The following NUMA1 variants were observed in gnomAD, a reference collection of about 807,000 sequenced individuals.
The protein encoded by NUMA1 is nuclear mitotic apparatus protein 1.
In NUMA1, 62 loss-of-function variants were observed where a neutral mutation model predicts 237.1. The ratio of observed to expected loss-of-function variants is 0.26; its 90% confidence interval spans 0.21 to 0.32. The LOEUF (loss-of-function observed/expected upper bound fraction) is 0.32. NUMA1 is among the 10% of genes least tolerant of loss of function. The pLI, the probability that NUMA1 is intolerant of heterozygous loss-of-function variation, is 1.00. For missense variants in NUMA1, 2,533 were observed against 2,666.5 expected (o/e 0.95, Z 1.10); for synonymous variants, 1,028 against 1,066.1 (o/e 0.96, Z 0.70).
intron 23 of NUMA1, 111 bp downstream of exon 23, chr11:72,005,122 C>G (rs1955599304): frequency 2.4e-6 from 3 of 1,257,026 alleles, no homozygotes; most frequent in East Asian, 2.6e-5. Flanking sequence ...TCACCCTCCC[C>G]CTCCTCGGCC....
rs900757900 is a variant in NUMA1 at position 72,075,732 on chromosome 11, T to G, written c.-103+4726A>C. ...TTTAAATCAATCTCCTTTATGGAGTTCACTCTATTGTGTGGTTTCTGTTTT... is the reference window on the plus strand; with the variant it reads ...TTTAAATCAATCTCCTTTATGGAGTGCACTCTATTGTGTGGTTTCTGTTTT... On this transcript the variant is annotated intron_variant, in intron 1 of 26. Transcript: ENST00000393695. Among the ~76,000 whole-genome samples the G allele has an allele frequency of 8.5e-5, 13 of 152,370 alleles. No homozygotes were observed. In the East Asian group the frequency reaches 2.5e-3, roughly 29 times the overall value.
intron 4 of NUMA1, among the ~76,000 whole-genome samples, chr11:72,028,397 C>G (rs1279436462): frequency 7.0e-6 from 1 of 142,736 alleles, no homozygotes; most frequent in Non-Finnish European, 1.5e-5. Flanking sequence ...TAAACACCTT[C>G]AACACTTCAG....
chr11:72,034,688 CAG>C (rs1369381134), intron 3 of NUMA1, among the ~76,000 whole-genome samples: 1 of 151,434 alleles, frequency 6.6e-6, no homozygotes, highest in Non-Finnish European at 1.5e-5. Flanking sequence ...AGCCTGGCGA[CAG>C]AGCAAGACTC....
At chr11:72,041,430 T>C (rs1373407263) in intron 2 of NUMA1, 1 of 152,266 alleles carries the variant, frequency 6.6e-6, no homozygotes, top group Non-Finnish European at 1.5e-5. Flanking sequence ...CATCTTACAG[T>C]GGCCTGCCTG....
chr11:72,052,136 T>G (rs1565277676), intron 2 of NUMA1, among the ~76,000 whole-genome samples: 1 of 152,080 alleles, frequency 6.6e-6, no homozygotes, highest in Non-Finnish European at 1.5e-5. Context: ...ATTACAGACG[T>G]AGAGACAATG....
intron 2 of NUMA1, among the ~76,000 whole-genome samples, chr11:72,038,806 A>G (rs1941344152): frequency 6.7e-6 from 1 of 149,940 alleles, no homozygotes; most frequent in African/African-American, 2.5e-5. Flanking sequence ...ACCCTCACTC[A>G]ATAAACAAAG....
At chr11:72,029,127 TAA>T (rs1939959300) in intron 4 of NUMA1, 76 bp downstream of exon 4, 1 of 1,023,878 alleles carries the variant, frequency 9.8e-7, no homozygotes, top group Non-Finnish European at 1.5e-6. Flanking sequence ...CATCATCAAG[TAA>T]AGAGAACAAG....
At chr11:72,040,057 C>T (rs1267894315) in intron 2 of NUMA1, among the ~76,000 whole-genome samples, 1 of 152,160 alleles carries the variant, frequency 6.6e-6, no homozygotes, top group Non-Finnish European at 1.5e-5. Context: ...CCAAGAGACG[C>T]CATACAGAGA....
chr11:72,030,170 C>CA (rs772428125), intron 3 of NUMA1, among the ~76,000 whole-genome samples: 9 of 151,738 alleles, frequency 5.9e-5, no homozygotes, highest in Non-Finnish European at 8.8e-5. Context: ...CCCTGTCCTA[C>CA]AAAAAATACA....
intron 2 of NUMA1, among the ~76,000 whole-genome samples, chr11:72,043,972 G>A (rs1941848063): frequency 6.6e-6 from 1 of 152,096 alleles, no homozygotes; most frequent in South Asian, 2.1e-4. Flanking sequence ...CAGAGAGACA[G>A]AAAGACATAT....
intron 2 of NUMA1, chr11:72,066,507 G>A (rs1232086560): frequency 6.6e-6 from 1 of 152,052 alleles, no homozygotes; most frequent in Non-Finnish European, 1.5e-5. Context: ...CTCTACCTCA[G>A]GCACATTTTC....
rs149006752 is a variant in NUMA1 at position 72,003,982 on chromosome 11, G to C, written c.6241C>G (p.Arg2081Gly). The change falls in exon 26 of 27, where the codon CGC becomes GGC. Residue 2081 changes from arginine (R) to glycine (G), a missense_variant. By Grantham distance (125) the Arg-to-Gly change is moderately radical (BLOSUM62 -2). Transcript: ENST00000393695. ...CGCGGAGAACGGCGGGTTCCACTGC[G>C]AGTGTTGGGGGAAGCCTTGGACAGG... ...KALSKASPNT[R>G]SGTRRSPRIA... 2 of 1,613,270 alleles carry C rather than the reference G, an allele frequency of 1.2e-6. No homozygotes were observed.
intron 1 of NUMA1, among the ~76,000 whole-genome samples, chr11:72,078,319 T>C (rs897519972): frequency 1.3e-5 from 2 of 152,262 alleles, no homozygotes; most frequent in Admixed American, 6.5e-5. Context: ...CTAAATTAAA[T>C]GACCACACCA....
chr11:72,067,181 C>A (rs2136233749), intron 2 of NUMA1: 1 of 152,248 alleles, frequency 6.6e-6, no homozygotes, highest in Middle Eastern at 3.4e-3. Context: ...ACAAAGTAGC[C>A]TATTTTATCT....
At position 72,015,949 on chromosome 11, in the gene NUMA1, A is replaced by T. The variant is rs767491571; in HGVS notation, c.1554T>A (p.Asp518Glu). 5.5e-5 allele frequency: 89 copies of T among 1,613,876 alleles called. No homozygotes were observed. In the South Asian group the frequency reaches 9.6e-4, roughly 17 times the overall value. ...GCTGCTTCAGGCCAGCCAGTTCTTG[A>T]TCCTGTTGCTGGATGGTGGCATTGA... ...TTLNATIQQQ[D>E]QELAGLKQQA... is the part of the protein sequence containing the mutation. Residue 518 changes from aspartate (D) to glutamate (E), a missense_variant, in exon 15 of 27, where the codon GAT becomes GAA. Coordinates refer to ENST00000393695, the MANE Select transcript of NUMA1 (RefSeq NM_006185.4). The surrounding 1 kb of genome is among the most constrained non-coding windows in gnomAD (Gnocchi z 4.0).
Position 72,013,130 on chromosome 11 carries a change from G to A in NUMA1, c.4373C>T (p.Ala1458Val). ...AEENRGLGER[A>V]NLGRQFLEVE... is the part of the protein sequence containing the mutation. ...TTCCAGAAACTGCCGGCCAAGGTTGGCCCGCTCACCCAGCCCCCGGTTCTC... is the reference window on the plus strand; with the variant it reads ...TTCCAGAAACTGCCGGCCAAGGTTGACCCGCTCACCCAGCCCCCGGTTCTC... Residue 1458 changes from alanine (A) to valine (V), a missense_variant, in exon 15 of 27, where the codon GCC becomes GTC. Ala to Val is a moderately conservative substitution (Grantham distance 64). Around this residue, in one of 3 missense-constraint regions of NUMA1, gnomAD observed 324 missense variants for 407.6 expected, o/e 0.79. Coordinates refer to ENST00000393695, the MANE Select transcript of NUMA1 (RefSeq NM_006185.4). This position sits in a 1 kb window ranked among gnomAD's most constrained non-coding sequence, Gnocchi z 6.8. The A allele has an allele frequency of 6.2e-7, 1 of 1,614,116 alleles. No individual in the cohort carries two copies. The highest frequency in any genetic ancestry group is 8.5e-7 in the Non-Finnish European group (1 of 1,180,038).
At chr11:72,029,136 C>T in intron 4 of NUMA1, 69 bp downstream of exon 4, 1 of 1,141,106 alleles carries the variant, frequency 8.8e-7, no homozygotes, top group African/African-American at 1.5e-5. Flanking sequence ...GTAAAGAGAA[C>T]AAGTACAGCC....
chr11:72,079,184 G>C (rs1244091247), intron 1 of NUMA1, among the ~76,000 whole-genome samples: 1 of 152,176 alleles, frequency 6.6e-6, no homozygotes, highest in African/African-American at 2.4e-5. Context: ...CTAGCCATTA[G>C]GATACAGTGA....
intron 1 of NUMA1, chr11:72,076,763 G>A (rs1056978470): frequency 5.3e-5 from 8 of 151,582 alleles, no homozygotes; most frequent in Non-Finnish European, 1.0e-4. Flanking sequence ...CCAGCCTGGA[G>A]AATAAGAGTA....
Sources: allele counts gnomAD v4.1 joint callset (sites outside exome capture counted in the v4.1 genomes callset), GRCh38; gene constraint gnomAD v4.1.1; regional missense constraint gnomAD v4.1.1; non-coding constraint Gnocchi (gnomAD v3.1); transcripts MANE v1.5; gene names NCBI Gene and HGNC (gene_info 2026-07-23, HGNC 2026-07-21).